ANK2: variants seen among roughly 807,000 people sequenced by gnomAD.
ANK2 encodes the protein ankyrin-2.
ANK2 carries 83 observed loss-of-function variants against 360.5 expected under a neutral mutation model. That is an observed-to-expected ratio of 0.23 (90% CI 0.19 to 0.28). The LOEUF (loss-of-function observed/expected upper bound fraction) is 0.28, where lower values mean the gene tolerates loss of function less well. ANK2 is among the 10% of genes least tolerant of loss of function. The probability of loss-of-function intolerance (pLI) is 1.00; values close to 1 mark genes in which losing one functional copy is unlikely to be tolerated. For missense variants in ANK2, 4,201 were observed against 4,795.7 expected (o/e 0.88, Z 3.66); for synonymous variants, 1,740 against 1,759.5 (o/e 0.99, Z 0.28).
At chr4:112,807,734 T>A in the ANK2 span, among the ~76,000 whole-genome samples, 1 of 152,224 alleles carries the variant, frequency 6.6e-6, no homozygotes, top group East Asian at 1.9e-4. Flanking sequence ...AATAAAGAAA[T>A]GCTGAAAATC....
intron 2 of ANK2, among the ~76,000 whole-genome samples, chr4:112,932,722 T>G (rs72669685): frequency 6.6e-6 from 1 of 151,992 alleles, no homozygotes; most frequent in Non-Finnish European, 1.5e-5. Flanking sequence ...ATTTCACTCT[T>G]CAAAGATCTC....
chr4:113,151,487 A>G (rs1399156541), intron 1 of ANK2, among the ~76,000 whole-genome samples: 2 of 152,066 alleles, frequency 1.3e-5, no homozygotes, highest in Non-Finnish European at 2.9e-5. Flanking sequence ...GGGAACTCTC[A>G]TAGGAACTAA....
At chr4:113,346,139 A>G in intron 35 of ANK2, 117 bp downstream of exon 35, 3 of 1,131,226 alleles carry the variant, frequency 2.7e-6, no homozygotes, top group Non-Finnish European at 2.6e-6. Flanking sequence ...CACTGACCTA[A>G]TAAAATGAAT....
At position 113,357,954 on chromosome 4, in the gene ANK2, C is replaced by T. The variant is rs1261852259; in HGVS notation, c.9336C>T (p.Thr3112=). 1 of 1,613,828 alleles carries T rather than the reference C, an allele frequency of 6.2e-7. No individual in the cohort carries two copies. The highest frequency in any genetic ancestry group is 1.3e-5 in the African/African-American group (1 of 74,882). Reference sequence around the variant, plus strand: ...AGGAAGGAAAATTGTTTGAAATGACCCGAAGTGGTGCCATTGATATGACCA... The same window carrying T: ...AGGAAGGAAAATTGTTTGAAATGACTCGAAGTGGTGCCATTGATATGACCA... ...LFQEGKLFEM[T]RSGAIDMTKR... Residue 3112 remains threonine, a synonymous_variant, in exon 38 of 46, where the codon ACC becomes ACT. Coordinates refer to ENST00000357077, the MANE Select transcript of ANK2 (RefSeq NM_001148.6).
intron 45 of ANK2, chr4:113,374,947 G>T: frequency 8.8e-7 from 1 of 1,134,040 alleles, no homozygotes; most frequent in South Asian, 2.0e-5. Context: ...CTTTGAAGAG[G>T]TATAGAAGCA....
Position 113,355,669 on chromosome 4 carries a change from GAAGGTC to G in ANK2, c.7054_7059del (p.Gly2352_Gln2353del), listed in dbSNP as rs774514148. 100 of 1,614,136 alleles carry G rather than the reference GAAGGTC, an allele frequency of 6.2e-5. No homozygotes were observed. The highest frequency in any genetic ancestry group is 1.7e-4 in the Middle Eastern group (1 of 6,058). On this transcript the variant is annotated inframe_deletion, in exon 38 of 46. Coordinates refer to ENST00000357077, the MANE Select transcript of ANK2 (RefSeq NM_001148.6). ...ACTGACTGAGGAGGCAGCCTGTGAT[GAAGGTC>G]AACGTACCTTTGGTAGTTCAGCCCA...
chr4:113,188,429 T>C (rs778417695), intron 2 of ANK2, among the ~76,000 whole-genome samples: 10 of 152,160 alleles, frequency 6.6e-5, no homozygotes, highest in Non-Finnish European at 1.2e-4. Flanking sequence ...AAACCAACTC[T>C]TAAGACAACA....
At chr4:112,953,625 A>G (rs2095167335) in intron 2 of ANK2, among the ~76,000 whole-genome samples, 1 of 152,222 alleles carries the variant, frequency 6.6e-6, no homozygotes, top group Non-Finnish European at 1.5e-5. Flanking sequence ...ACTCTTTCAG[A>G]TAGTTATTAA....
In ANK2 at chr4:113,365,089, C is replaced by A; in HGVS notation, c.10939C>A (p.His3647Asn). 1 of 1,613,874 alleles carries A rather than the reference C, an allele frequency of 6.2e-7. No individual in the cohort carries two copies. The highest frequency in any genetic ancestry group is 8.5e-7 in the Non-Finnish European group (1 of 1,179,824). ...CAAGATCAACCGAATGGATATTGTT[C>A]ATCTCATGGAGACCAACACAGAACC... ...LTKINRMDIV[H>N]LMETNTEPLQ... Residue 3647 changes from histidine (H) to asparagine (N), a missense_variant, in exon 41 of 46, where the codon CAT becomes AAT. Physicochemically the swap from His to Asn is moderately conservative, Grantham distance 68. Around this residue, in one of 4 missense-constraint regions of ANK2, gnomAD observed 2,642 missense variants for 2,714.5 expected, o/e 0.97. Transcript: ENST00000357077.
chr4:112,925,478 C>G (rs769436551), intron 2 of ANK2, among the ~76,000 whole-genome samples: 10 of 152,054 alleles, frequency 6.6e-5, no homozygotes, highest in Non-Finnish European at 1.2e-4. Flanking sequence ...TAACGTAGAT[C>G]CTATTGACTA....
chr4:112,885,535 G>A (rs1410733499), intron 1 of ANK2, among the ~76,000 whole-genome samples: 2 of 149,546 alleles, frequency 1.3e-5, no homozygotes, highest in African/African-American at 4.9e-5. Context: ...GGTGGCTCAC[G>A]CCTGTAATCC....
At chr4:113,155,568 A>T (rs1294132060) in intron 1 of ANK2, among the ~76,000 whole-genome samples, 3 of 152,194 alleles carry the variant, frequency 2.0e-5, no homozygotes, top group Non-Finnish European at 4.4e-5. Flanking sequence ...GAAATTAAAA[A>T]AATTAAATGG....
At chr4:113,229,636 G>A (rs1345994820) in intron 4 of ANK2, among the ~76,000 whole-genome samples, 5 of 152,170 alleles carry the variant, frequency 3.3e-5, no homozygotes, top group Non-Finnish European at 5.9e-5. Context: ...GAGCACTGGA[G>A]CCACACTTGG....
intron 2 of ANK2, among the ~76,000 whole-genome samples, chr4:112,942,128 C>A (rs375427295): frequency 4.6e-4 from 70 of 152,030 alleles, no homozygotes; most frequent in Middle Eastern, 3.4e-3. Context: ...ATATTATCTA[C>A]TTCTAGGATT....
chr4:112,723,854 A>G, the ANK2 span, among the ~76,000 whole-genome samples: 27 of 146,358 alleles, frequency 1.8e-4, no homozygotes, highest in African/African-American at 6.1e-4. Context: ...GTGCTTTGAC[A>G]GAATTTATTC....
chr4:112,818,395 A>G (rs1293406425), intron 1 of ANK2: 1 of 152,234 alleles, frequency 6.6e-6, no homozygotes, highest in Admixed American at 6.5e-5. Flanking sequence ...GGCGCTTTCC[A>G]TGCCATTCTG....
At chr4:112,791,705 G>A in the ANK2 span, among the ~76,000 whole-genome samples, 2 of 151,680 alleles carry the variant, frequency 1.3e-5, no homozygotes, top group African/African-American at 4.8e-5. Flanking sequence ...GTTAGCCAGG[G>A]TGGTCTCCAT....
intron 2 of ANK2, among the ~76,000 whole-genome samples, chr4:113,179,398 G>GT (rs1489699303): frequency 6.6e-6 from 1 of 152,036 alleles, no homozygotes; most frequent in Non-Finnish European, 1.5e-5. Context: ...TTGAATCAAT[G>GT]TTTTTTCTTT....
At chr4:113,330,705 ATGT>A (rs1302494251) in intron 27 of ANK2, among the ~76,000 whole-genome samples, 1 of 152,202 alleles carries the variant, frequency 6.6e-6, no homozygotes, top group East Asian at 1.9e-4. Context: ...TTCTTTTTGG[ATGT>A]TAATAATAGC....
Sources: gnomAD v4.1 joint callset for allele counts (sites outside exome capture counted in the v4.1 genomes callset) on GRCh38, gnomAD v4.1.1 for gene constraint, gnomAD v4.1.1 regional missense constraint, MANE v1.5 for transcripts, NCBI Gene and HGNC (gene_info 2026-07-23, HGNC 2026-07-21) for gene names.